Variants in ANK2 observed in about 807,000 individuals in gnomAD.
ANK2 encodes the protein ankyrin 2.
Under a neutral mutation model 360.5 loss-of-function variants are expected in ANK2, and 83 were observed. That is an observed-to-expected ratio of 0.23 (90% CI 0.19 to 0.28). The LOEUF (loss-of-function observed/expected upper bound fraction) is 0.28, where lower values mean the gene tolerates loss of function less well. Ranked by LOEUF, ANK2 falls within the 10% of genes least tolerant of loss-of-function variation. The pLI is 1.00. For synonymous variants in ANK2, 1,740 were observed against 1,759.5 expected (o/e 0.99, Z 0.28); for missense variants, 4,201 against 4,795.7 (o/e 0.88, Z 3.66).
the ANK2 span, among the ~76,000 whole-genome samples, chr4:112,752,607 C>T: frequency 6.6e-6 from 1 of 151,622 alleles, no homozygotes; most frequent in South Asian, 2.1e-4. Context: ...TGGGCTCAAG[C>T]AGTCTTCCCA....
intron 1 of ANK2, among the ~76,000 whole-genome samples, chr4:112,857,074 T>A (rs1225482237): frequency 6.6e-6 from 1 of 152,146 alleles, no homozygotes; most frequent in African/African-American, 2.4e-5. Context: ...CTAAACTGAC[T>A]TAGCAAGATT....
At chr4:113,078,660 G>A (rs2081107705) in intron 1 of ANK2, among the ~76,000 whole-genome samples, 1 of 152,138 alleles carries the variant, frequency 6.6e-6, no homozygotes, top group Non-Finnish European at 1.5e-5. Context: ...ATTAAGGAAG[G>A]TGCTCAAGTT....
chr4:113,034,749 G>T (rs537017935), intron 2 of ANK2: 74 of 152,004 alleles, frequency 4.9e-4, no homozygotes, highest in African/African-American at 1.6e-3. Context: ...TACCATGATG[G>T]GGAAATGTAG....
chr4:112,713,946 A>C, the ANK2 span, among the ~76,000 whole-genome samples: 2,186 of 94,582 alleles, frequency 0.023, 60 homozygotes, highest in East Asian at 0.091. Context: ...AAAAAAAAAC[A>C]AAAAAAAAAA....
intron 1 of ANK2, among the ~76,000 whole-genome samples, chr4:112,892,943 T>C (rs546863016): frequency 3.3e-5 from 5 of 152,170 alleles, no homozygotes; most frequent in Middle Eastern, 3.4e-3. Flanking sequence ...CTTCATTCAT[T>C]TGCACATTCT....
intron 2 of ANK2, chr4:112,904,614 G>T: frequency 1.2e-6 from 1 of 868,890 alleles, no homozygotes; most frequent in South Asian, 1.8e-5. Context: ...CAATTTTTAT[G>T]AAAACAGATT....
chr4:112,709,048 A>G, the ANK2 span, among the ~76,000 whole-genome samples: 1 of 152,246 alleles, frequency 6.6e-6, no homozygotes, highest in African/African-American at 2.4e-5. Flanking sequence ...AAGGACAAGG[A>G]AAAATGACCT....
At chr4:112,765,449 T>C in the ANK2 span, among the ~76,000 whole-genome samples, 1 of 152,188 alleles carries the variant, frequency 6.6e-6, no homozygotes, top group South Asian at 2.1e-4. Context: ...ATTTGTAGGA[T>C]CAAAGCTCTA....
At chr4:112,769,153 C>T in the ANK2 span, among the ~76,000 whole-genome samples, 9 of 152,024 alleles carry the variant, frequency 5.9e-5, no homozygotes, top group Admixed American at 3.9e-4. Flanking sequence ...TCATATGTCT[C>T]GTACATGCAT....
the ANK2 span, among the ~76,000 whole-genome samples, chr4:112,789,230 G>A: frequency 6.6e-6 from 1 of 152,168 alleles, no homozygotes; most frequent in Non-Finnish European, 1.5e-5. Context: ...AAATCCCCAA[G>A]TCTTAGATGA....
intron 3 of ANK2, 45 bp downstream of exon 3, chr4:113,196,511 A>C: frequency 6.8e-7 from 1 of 1,465,064 alleles, no homozygotes; most frequent in East Asian, 2.3e-5. Flanking sequence ...AGAAAAGCGA[A>C]AATAATTTAA....
chr4:113,002,517 A>C (rs1438922422), intron 2 of ANK2, among the ~76,000 whole-genome samples: 1 of 150,164 alleles, frequency 6.7e-6, no homozygotes, highest in Non-Finnish European at 1.5e-5. Flanking sequence ...AACAATGAGA[A>C]CACATGGACA....
At chr4:113,256,075 CTG>C (rs1355059817) in intron 11 of ANK2, 143 bp downstream of exon 11, 19 of 998,202 alleles carry the variant, frequency 1.9e-5, no homozygotes, top group South Asian at 2.8e-5. Flanking sequence ...CACAATCAGC[CTG>C]TGTACTTCAT....
chr4:113,189,873 G>A (rs368126845), intron 2 of ANK2, among the ~76,000 whole-genome samples: 2 of 152,094 alleles, frequency 1.3e-5, no homozygotes, highest in South Asian at 2.1e-4. Context: ...GAAAGTTCAG[G>A]TTTTTAATGC....
At chr4:112,756,548 A>G in the ANK2 span, among the ~76,000 whole-genome samples, 1 of 152,334 alleles carries the variant, frequency 6.6e-6, no homozygotes, top group South Asian at 2.1e-4. Flanking sequence ...GCTAAAGCAA[A>G]TTAATAATCC....
At chr4:113,163,495 T>C (rs2097620416) in intron 1 of ANK2, among the ~76,000 whole-genome samples, 1 of 151,574 alleles carries the variant, frequency 6.6e-6, no homozygotes, top group Admixed American at 6.6e-5. Flanking sequence ...CCGGGCACGG[T>C]GGCTCACTCC....
chr4:112,901,469 G>A (rs2083321653), intron 1 of ANK2, among the ~76,000 whole-genome samples: 1 of 152,316 alleles, frequency 6.6e-6, no homozygotes, highest in South Asian at 2.1e-4. Flanking sequence ...GGAAAGAGAT[G>A]CTGATAAGCT....
At chr4:113,378,457 G>A (rs2097041840) in intron 45 of ANK2, among the ~76,000 whole-genome samples, 1 of 152,208 alleles carries the variant, frequency 6.6e-6, no homozygotes, top group African/African-American at 2.4e-5. Context: ...CATCAACTTA[G>A]TTGAAGCCAG....
chr4:113,265,066 C>A, intron 14 of ANK2, 71 bp downstream of exon 14: 2 of 1,367,180 alleles, frequency 1.5e-6, no homozygotes, highest in Non-Finnish European at 2.0e-6. Context: ...AGGGTGTTGC[C>A]CTTCAGTTCC....
Sources: allele counts gnomAD v4.1 joint callset (sites outside exome capture counted in the v4.1 genomes callset), GRCh38; gene constraint gnomAD v4.1.1; transcripts MANE v1.5; gene names NCBI Gene and HGNC (gene_info 2026-07-23, HGNC 2026-07-21).